Variants in SYNE1 observed in about 807,000 individuals in gnomAD.
SYNE1 encodes spectrin repeat containing nuclear envelope protein 1, also known as nesprin-1.
In SYNE1, 616 loss-of-function variants were observed where a neutral mutation model predicts 1,111.0. The observed-to-expected ratio is 0.55, with a 90% CI of 0.52 to 0.59. The LOEUF (loss-of-function observed/expected upper bound fraction) is 0.59. SYNE1 is among the 20% of genes least tolerant of loss of function. The pLI, the probability that SYNE1 is intolerant of heterozygous loss-of-function variation, is 0.00. For missense variants in SYNE1, 10,006 were observed against 10,417.0 expected (o/e 0.96, Z 1.72); for synonymous variants, 3,855 against 3,825.8 (o/e 1.01, Z -0.28).
At chr6:152,584,065 G>C (rs1173892491) in intron 3 of SYNE1, among the ~76,000 whole-genome samples, 1 of 152,188 alleles carries the variant, frequency 6.6e-6, no homozygotes, top group Non-Finnish European at 1.5e-5. Flanking sequence ...TTCAAATCCT[G>C]GCACTGGCAC....
chr6:152,516,689 C>A (rs1185927092), intron 6 of SYNE1, among the ~76,000 whole-genome samples: 1 of 152,146 alleles, frequency 6.6e-6, no homozygotes, highest in East Asian at 1.9e-4. Flanking sequence ...AGAGATCCTC[C>A]CACCTCAGCC....
chr6:152,164,692 C>A (rs1388349303), intron 130 of SYNE1, among the ~76,000 whole-genome samples: 1 of 152,158 alleles, frequency 6.6e-6, no homozygotes, highest in African/African-American at 2.4e-5. Context: ...CTGTTAAGAG[C>A]CTGACATGGC....
rs772588228 is a variant in SYNE1 at position 152,488,432 on chromosome 6, T to G, written c.1011A>C (p.Ala337=). The G allele has an allele frequency of 6.2e-7, 1 of 1,609,234 alleles. No homozygotes were observed. Among genetic ancestry groups the G allele is most frequent in the South Asian group, 1.1e-5 (1 of 90,936 alleles). The change falls in exon 12 of 146, where the codon GCA becomes GCC. Residue 337 remains alanine (A), a synonymous_variant. Coordinates refer to ENST00000367255, the MANE Select transcript of SYNE1 (RefSeq NM_182961.4). ...CCTGTAAATTTGATTCCACCATCTG[T>G]GCTCTTGTCAAATCTCTCTCAAATT... is the stretch of plus-strand genomic sequence containing the variant. ...IEQFERDLTR[A]QMVESNLQDK... is the part of the protein sequence containing the mutation.
At chr6:152,276,154 C>T (rs952274306) in intron 98 of SYNE1, among the ~76,000 whole-genome samples, 1 of 151,210 alleles carries the variant, frequency 6.6e-6, no homozygotes, top group African/African-American at 2.4e-5. Context: ...CATGCCTCAG[C>T]CTCCCAAGCA....
chr6:152,124,355 G>A (rs557030221), intron 145 of SYNE1, among the ~76,000 whole-genome samples: 6 of 152,290 alleles, frequency 3.9e-5, no homozygotes, highest in South Asian at 2.1e-4. Flanking sequence ...CAGGCAGCAC[G>A]CAGTGTTTCT....
At chr6:152,298,348 A>T (rs982626567) in intron 93 of SYNE1, among the ~76,000 whole-genome samples, 1 of 152,136 alleles carries the variant, frequency 6.6e-6, no homozygotes, top group Non-Finnish European at 1.5e-5. Flanking sequence ...TTCCTCCCTC[A>T]ACTCTTCTGC....
At chr6:152,140,984 G>A (rs1486496166) in intron 139 of SYNE1, among the ~76,000 whole-genome samples, 7 of 152,164 alleles carry the variant, frequency 4.6e-5, no homozygotes, top group South Asian at 2.1e-4. Flanking sequence ...GCAGTGAGCC[G>A]AGATAGCGCC....
At chr6:152,492,703 C>T (rs1156231052) in intron 11 of SYNE1, among the ~76,000 whole-genome samples, 1 of 152,212 alleles carries the variant, frequency 6.6e-6, no homozygotes, top group African/African-American at 2.4e-5. Flanking sequence ...AGCCCAATCA[C>T]CTCGGAAGCC....
At chr6:152,560,882 A>C (rs932239988) in intron 3 of SYNE1, among the ~76,000 whole-genome samples, 7 of 152,150 alleles carry the variant, frequency 4.6e-5, no homozygotes, top group African/African-American at 1.7e-4. Context: ...ATGATTAAAA[A>C]CTCAAAAAAT....
At chr6:152,225,457 G>A (rs1352627328) in intron 116 of SYNE1, among the ~76,000 whole-genome samples, 3 of 151,832 alleles carry the variant, frequency 2.0e-5, no homozygotes, top group African/African-American at 4.8e-5. Context: ...CCAGGCTGGA[G>A]ACAGATGTTT....
At position 152,148,233 on chromosome 6, in the gene SYNE1, T is replaced by TGAGCGAGCGAGAGGGAGA; in HGVS notation, c.24770_24787dup (p.Leu8257_Ala8262dup). 6.2e-7 allele frequency: 1 copy of TGAGCGAGCGAGAGGGAGA among 1,613,956 alleles called. No individual in the cohort carries two copies. The highest frequency in any genetic ancestry group is 8.5e-7 in the Non-Finnish European group (1 of 1,179,902). ...TCCTGACCGCTCGCTCCGGAGGGGC[T>TGAGCGAGCGAGAGGGAGA]GAGCGAGCGAGAGGGAGAGATTGGA... On this transcript the variant is annotated inframe_insertion, in exon 137 of 146. Transcript: ENST00000367255. The surrounding 1 kb of genome is among the most constrained non-coding windows in gnomAD (Gnocchi z 4.1).
At chr6:152,253,615 GAAC>G (rs2089933630) in intron 104 of SYNE1, among the ~76,000 whole-genome samples, 2 of 152,008 alleles carry the variant, frequency 1.3e-5, no homozygotes, top group South Asian at 4.2e-4. Context: ...ATTATTATCA[GAAC>G]AACGTCTGCA....
chr6:152,129,533 T>C (rs1405072509), intron 145 of SYNE1: 1 of 149,362 alleles, frequency 6.7e-6, no homozygotes, highest in African/African-American at 2.5e-5. Flanking sequence ...CTCCATACTT[T>C]ATTATTGCTA....
chr6:152,358,305 A>G, intron 66 of SYNE1, 68 bp downstream of exon 66: 1 of 1,608,046 alleles, frequency 6.2e-7, no homozygotes, highest in Non-Finnish European at 8.5e-7. Flanking sequence ...TTAACTTCCT[A>G]TTGCCTAAAA....
intron 93 of SYNE1, 138 bp downstream of exon 93, chr6:152,300,503 C>T: frequency 8.0e-7 from 1 of 1,247,808 alleles, no homozygotes; most frequent in Non-Finnish European, 1.1e-6. Flanking sequence ...GTTTGTGCAA[C>T]TATAACACCT....
intron 20 of SYNE1, 130 bp from the exon 21 acceptor site, chr6:152,461,870 G>T: frequency 8.4e-7 from 1 of 1,196,776 alleles, no homozygotes; most frequent in Non-Finnish European, 1.2e-6. Flanking sequence ...AACTTTCGAC[G>T]ATTCCAGTTT....
At chr6:152,484,807 C>T (rs2098930886) in intron 13 of SYNE1, 28 bp downstream of exon 13, 2 of 1,611,422 alleles carry the variant, frequency 1.2e-6, no homozygotes, top group South Asian at 1.1e-5. Flanking sequence ...TTATTAAGCT[C>T]AGTATAACTA....
chr6:152,579,157 C>T (rs1275263292), intron 3 of SYNE1, among the ~76,000 whole-genome samples: 1 of 152,172 alleles, frequency 6.6e-6, no homozygotes, highest in African/African-American at 2.4e-5. Context: ...CATGCTCTTC[C>T]AGAACCTAGT....
At chr6:152,290,530 T>G (rs2094552725) in intron 95 of SYNE1, among the ~76,000 whole-genome samples, 1 of 152,138 alleles carries the variant, frequency 6.6e-6, no homozygotes, top group South Asian at 2.1e-4. Context: ...CATTCCAGCC[T>G]GGGCAACAGA....
Sources: allele counts gnomAD v4.1 joint callset (sites outside exome capture counted in the v4.1 genomes callset), GRCh38; gene constraint gnomAD v4.1.1; non-coding constraint Gnocchi (gnomAD v3.1); transcripts MANE v1.5; gene names NCBI Gene and HGNC (gene_info 2026-07-23, HGNC 2026-07-21).